The following STK3 variants were observed in gnomAD, a reference collection of about 807,000 sequenced individuals.
STK3 encodes the protein serine/threonine kinase 3.
Under a neutral mutation model 58.0 loss-of-function variants are expected in STK3, and 41 were observed. That is an observed-to-expected ratio of 0.71 (90% CI 0.55 to 0.92). The LOEUF is 0.92. Ranked by LOEUF, STK3 falls within the 40% of genes least tolerant of loss-of-function variation. The pLI is 0.00. For missense variants in STK3, 479 were observed against 602.7 expected, an observed-to-expected ratio of 0.79 and a Z score of 2.15; for synonymous variants, 170 against 191.0, an observed-to-expected ratio of 0.89 and a Z score of 0.91.
At chr8:98,730,247 C>T (rs1322538117) in intron 4 of STK3, among the ~76,000 whole-genome samples, 3 of 152,170 alleles carry the variant, frequency 2.0e-5, no homozygotes, top group Admixed American at 2.0e-4. Flanking sequence ...AAGTCCACCA[C>T]CAGCCTTCAA....
chr8:98,531,606 G>C (rs1826177447), intron 9 of STK3, among the ~76,000 whole-genome samples: 1 of 152,184 alleles, frequency 6.6e-6, no homozygotes, highest in Non-Finnish European at 1.5e-5. Flanking sequence ...CCACCAGCCT[G>C]TCCTTTGAAG....
chr8:98,481,542 G>A (rs527496024), intron 10 of STK3, among the ~76,000 whole-genome samples: 27 of 152,128 alleles, frequency 1.8e-4, no homozygotes, highest in Admixed American at 1.1e-3. Context: ...GCTAAGCTAC[G>A]GATATGCAAA....
intron 3 of STK3, among the ~76,000 whole-genome samples, chr8:98,416,452 A>T (rs1316223066): frequency 7.4e-6 from 1 of 134,510 alleles, no homozygotes; most frequent in Non-Finnish European, 1.5e-5. Context: ...GTAAGGAAAC[A>T]TGTTCCTTTA....
chr8:98,415,145 C>T (rs1818099822), intron 3 of STK3, among the ~76,000 whole-genome samples: 1 of 152,152 alleles, frequency 6.6e-6, no homozygotes, highest in Admixed American at 6.5e-5. Flanking sequence ...CACAACGTCT[C>T]CACTTCTGGA....
At chr8:98,735,772 A>G (rs1828529636) in intron 4 of STK3, among the ~76,000 whole-genome samples, 1 of 152,052 alleles carries the variant, frequency 6.6e-6, no homozygotes, top group African/African-American at 2.4e-5. Context: ...CAAAATCTCT[A>G]CCCTTTACAA....
intron 6 of STK3, among the ~76,000 whole-genome samples, chr8:98,645,244 C>A (rs1820313597): frequency 6.6e-6 from 1 of 152,162 alleles, no homozygotes; most frequent in Admixed American, 6.6e-5. Context: ...AACTTGTAAT[C>A]AAAAATCACC....
rs543561407 is a variant in STK3 at position 98,458,302 on chromosome 8, A to G, written c.1318-2302T>C. 4.1e-4 allele frequency among the ~76,000 whole-genome samples: 63 copies of G among 152,210 alleles called. 1 individual carries two copies. In the Middle Eastern group the frequency reaches 0.034, roughly 82 times the overall value. On this transcript the variant is annotated intron_variant, in intron 10 of 10. Coordinates refer to ENST00000419617, the MANE Select transcript of STK3 (RefSeq NM_006281.4). The stretch of plus-strand genomic sequence containing the variant: ...CTTTTTCATAATATTGATTCTTCCA[A>G]TCCATGAGCATGGGATGTATTTCCA...
chr8:98,741,615 T>C (rs1035641213), intron 4 of STK3, among the ~76,000 whole-genome samples: 1 of 152,152 alleles, frequency 6.6e-6, no homozygotes, highest in African/African-American at 2.4e-5. Flanking sequence ...GGGAAATTTA[T>C]AGCACTAAAT....
chr8:98,364,034 C>T, the STK3 span, among the ~76,000 whole-genome samples: 2 of 152,118 alleles, frequency 1.3e-5, no homozygotes, highest in African/African-American at 4.8e-5. Flanking sequence ...GCTGGGAAGC[C>T]CGGAGCTGAG....
At chr8:98,463,983 A>C (rs1175300175) in intron 10 of STK3, among the ~76,000 whole-genome samples, 1 of 152,158 alleles carries the variant, frequency 6.6e-6, no homozygotes, top group Non-Finnish European at 1.5e-5. Flanking sequence ...CAGTCAATCA[A>C]GAGAATCCTA....
chr8:98,885,262 G>A (rs144737388), intron 1 of STK3, among the ~76,000 whole-genome samples: 1 of 152,236 alleles, frequency 6.6e-6, no homozygotes, highest in East Asian at 1.9e-4. Context: ...ATTTCAAGAG[G>A]GCACAATTTA....
In STK3 at chr8:98,550,544, T is replaced by A. The variant is rs150598252; in HGVS notation, c.949-2383A>T. Among the ~76,000 whole-genome samples, 12 of 152,236 alleles carry A rather than the reference T, an allele frequency of 7.9e-5. No individual in the cohort carries two copies. The East Asian group carries it at 2.3e-3, about 29-fold the overall frequency. On this transcript the variant is annotated intron_variant, in intron 8 of 10. Coordinates refer to ENST00000419617, the MANE Select transcript of STK3 (RefSeq NM_006281.4). ...AACTTCAATGTCTTCTTACATTTATTTTCTCTTTCATTCCCTATATATGCA... is the reference window on the plus strand; with the variant it reads ...AACTTCAATGTCTTCTTACATTTATATTCTCTTTCATTCCCTATATATGCA...
At chr8:98,905,302 A>T in intron 1 of STK3, 1 of 845,128 alleles carries the variant, frequency 1.2e-6, no homozygotes, top group East Asian at 2.4e-5. Flanking sequence ...GCGTCCTCTG[A>T]CCACTCCATG....
At chr8:98,851,904 C>T (rs1836483219) in intron 3 of STK3, among the ~76,000 whole-genome samples, 1 of 152,152 alleles carries the variant, frequency 6.6e-6, no homozygotes, top group Admixed American at 6.5e-5. Context: ...GTGAGGATCT[C>T]TTGAGCCCAG....
intron 1 of STK3, among the ~76,000 whole-genome samples, chr8:98,821,225 G>A (rs1834878164): frequency 6.6e-6 from 1 of 152,078 alleles, no homozygotes; most frequent in Admixed American, 6.5e-5. Context: ...ATAGGAGTGC[G>A]AACCCTATTG....
intron 3 of STK3, among the ~76,000 whole-genome samples, chr8:98,403,351 C>T (rs1817963039): frequency 6.6e-6 from 1 of 152,148 alleles, no homozygotes; most frequent in Non-Finnish European, 1.5e-5. Context: ...CATAGAAGTA[C>T]CCCCTAAGAT....
intron 6 of STK3, among the ~76,000 whole-genome samples, chr8:98,666,341 A>T (rs1295303326): frequency 6.6e-6 from 1 of 152,170 alleles, no homozygotes; most frequent in African/African-American, 2.4e-5. Flanking sequence ...AAGAAAAATG[A>T]TTTATCTACT....
chr8:98,809,598 T>C (rs1032303080), intron 1 of STK3, among the ~76,000 whole-genome samples: 4 of 152,264 alleles, frequency 2.6e-5, no homozygotes, highest in Non-Finnish European at 4.4e-5. Flanking sequence ...TTTGTCCTTT[T>C]GTGTGTACTT....
intron 6 of STK3, among the ~76,000 whole-genome samples, chr8:98,632,839 TAA>T (rs1255712467): frequency 1.3e-5 from 2 of 152,300 alleles, no homozygotes; most frequent in Non-Finnish European, 2.9e-5. Context: ...TGTTCACTGA[TAA>T]GAGAGAGAAT....
Sources: gnomAD v4.1 joint callset for allele counts (sites outside exome capture counted in the v4.1 genomes callset) on GRCh38, gnomAD v4.1.1 for gene constraint, MANE v1.5 for transcripts, NCBI Gene and HGNC (gene_info 2026-07-23, HGNC 2026-07-21) for gene names.